The following MSH3 variants were observed in gnomAD, a reference collection of about 807,000 sequenced individuals.
MSH3 encodes DNA mismatch repair protein Msh3.
In MSH3, 106 loss-of-function variants were observed where a neutral mutation model predicts 123.3. The observed-to-expected ratio is 0.86, with a 90% CI of 0.73 to 1.01. The LOEUF is 1.01. Ranked by LOEUF, MSH3 falls within the 50% of genes least tolerant of loss-of-function variation. The pLI is 0.00. For missense variants in MSH3, 1,459 were observed against 1,347.6 expected (o/e 1.08, Z -1.29); for synonymous variants, 515 against 481.4 (o/e 1.07, Z -0.91).
rs1580066576 is a variant in MSH3 at position 80,813,718 on chromosome 5, G to A, written c.2790G>A (p.Gly930=). The A allele has an allele frequency of 2.5e-6, 4 of 1,614,058 alleles. No homozygotes were observed. The highest frequency in any genetic ancestry group is 1.3e-5 in the African/African-American group (1 of 74,912). The part of the protein sequence containing the change: ...SYVPAEEATI[G]IVDGIFTRMG... Reference sequence around the variant, plus strand: ...TTCCTGCAGAAGAAGCGACAATTGGGATTGTGGATGGCATTTTCACAAGGT... The same window carrying A: ...TTCCTGCAGAAGAAGCGACAATTGGAATTGTGGATGGCATTTTCACAAGGT... The change falls in exon 20 of 24, where the codon GGG becomes GGA. Residue 930 remains glycine (G), a synonymous_variant. Transcript: ENST00000265081.
intron 20 of MSH3, among the ~76,000 whole-genome samples, chr5:80,832,141 C>T (rs779263009): frequency 9.9e-5 from 15 of 151,058 alleles, no homozygotes; most frequent in Non-Finnish European, 1.8e-4. Context: ...ACAAAAAAAA[C>T]TCTCCCATAC....
At chr5:80,724,087 G>A (rs1292475645) in intron 8 of MSH3, among the ~76,000 whole-genome samples, 2 of 152,204 alleles carry the variant, frequency 1.3e-5, no homozygotes, top group African/African-American at 2.4e-5. Flanking sequence ...GTAGAGGGAT[G>A]TGATTAGTGA....
At chr5:80,661,834 T>A (rs1249291035) in intron 2 of MSH3, among the ~76,000 whole-genome samples, 1 of 152,222 alleles carries the variant, frequency 6.6e-6, no homozygotes, top group Non-Finnish European at 1.5e-5. Context: ...TTCCTTTGGA[T>A]CACTTTGGTC....
At chr5:80,865,072 A>C in intron 22 of MSH3, 130 bp downstream of exon 22, 1 of 995,262 alleles carries the variant, frequency 1.0e-6, no homozygotes, top group East Asian at 2.5e-5. Context: ...AACATTTGTC[A>C]GGATTCATTT....
At position 80,854,220 on chromosome 5, in the gene MSH3, A is replaced by G. The variant is rs1461434555; in HGVS notation, c.2904A>G (p.Ser968=). 1 of 1,613,902 alleles carries G rather than the reference A, an allele frequency of 6.2e-7. No individual in the cohort carries two copies. Among genetic ancestry groups the G allele is most frequent in the East Asian group, 2.2e-5 (1 of 44,850 alleles). ...DTAEIIRKAT[S]QSLVILDELG... ...CAGAAATAATCAGAAAAGCAACATC[A>G]CAGTCCTTGGTTATCTTGGATGAAC... Residue 968 remains serine, a synonymous_variant, in exon 21 of 24, where the codon TCA becomes TCG. Transcript: ENST00000265081.
intron 20 of MSH3, among the ~76,000 whole-genome samples, chr5:80,817,151 G>C (rs887698794): frequency 6.6e-6 from 1 of 152,230 alleles, no homozygotes; most frequent in African/African-American, 2.4e-5. Context: ...AACCAACAAA[G>C]GAGGTGTAGC....
chr5:80,667,242 T>C (rs1479338364), intron 3 of MSH3, among the ~76,000 whole-genome samples: 1 of 152,204 alleles, frequency 6.6e-6, no homozygotes, highest in African/African-American at 2.4e-5. Flanking sequence ...GTAAGAAATA[T>C]ATTTTCTGTG....
chr5:80,847,248 T>C (rs947520421), intron 20 of MSH3, among the ~76,000 whole-genome samples: 7 of 151,990 alleles, frequency 4.6e-5, no homozygotes, highest in African/African-American at 1.7e-4. Context: ...TTAGTAGATA[T>C]GTGGTTTTGC....
At chr5:80,665,879 C>T (rs2112809351) in intron 3 of MSH3, among the ~76,000 whole-genome samples, 1 of 152,264 alleles carries the variant, frequency 6.6e-6, no homozygotes, top group South Asian at 2.1e-4. Flanking sequence ...GAATTTAACT[C>T]ATGCTCCATC....
chr5:80,836,882 C>A (rs902730850), intron 20 of MSH3, among the ~76,000 whole-genome samples: 1 of 151,936 alleles, frequency 6.6e-6, no homozygotes, highest in African/African-American at 2.4e-5. Context: ...TGATTGTATA[C>A]CCTCTAAAAG....
intron 8 of MSH3, among the ~76,000 whole-genome samples, chr5:80,712,909 G>A (rs897224785): frequency 6.6e-6 from 1 of 151,972 alleles, no homozygotes; most frequent in Non-Finnish European, 1.5e-5. Flanking sequence ...ATTCTAATAT[G>A]GAGATATTAA....
intron 12 of MSH3, among the ~76,000 whole-genome samples, chr5:80,761,226 G>C (rs992172479): frequency 6.6e-6 from 1 of 152,196 alleles, no homozygotes; most frequent in African/African-American, 2.4e-5. Context: ...CAACAAGACA[G>C]AACGAGAATC....
chr5:80,772,112 G>A (rs948412255), intron 15 of MSH3, among the ~76,000 whole-genome samples: 3 of 152,048 alleles, frequency 2.0e-5, no homozygotes, highest in African/African-American at 7.2e-5. Flanking sequence ...TGAATGAAAT[G>A]TGGAATGGAA....
intron 13 of MSH3, among the ~76,000 whole-genome samples, chr5:80,764,996 A>G (rs1018556247): frequency 4.1e-4 from 62 of 152,142 alleles, no homozygotes; most frequent in African/African-American, 1.5e-3. Context: ...AAGCTCTCCC[A>G]GTGAGACAGC....
chr5:80,752,504 T>C (rs757997475), intron 12 of MSH3, among the ~76,000 whole-genome samples: 13 of 152,162 alleles, frequency 8.5e-5, no homozygotes, highest in Non-Finnish European at 1.9e-4. Context: ...TTTGAAAGCA[T>C]AGTTTTGGAG....
In MSH3 at chr5:80,768,977, C is replaced by A; in HGVS notation, c.2227C>A (p.Gln743Lys). 6.2e-7 allele frequency: 1 copy of A among 1,612,822 alleles called. No individual in the cohort carries two copies. The highest frequency in any genetic ancestry group is 8.5e-7 in the Non-Finnish European group (1 of 1,179,194). Residue 743 changes from glutamine (Q) to lysine (K), a missense_variant, in exon 15 of 24, where the codon CAA (glutamine) becomes AAA (lysine). Physicochemically the swap from Gln to Lys is moderately conservative, Grantham distance 53 (BLOSUM62 1). Transcript: ENST00000265081. ...AAAAATACTAAAAAATCCTTCTGCA[C>A]AATATGTGACAGTATCAGGACAGGA... is the stretch of plus-strand genomic sequence containing the variant. ...IRKILKNPSAQYVTVSGQEFM... is the reference protein window; with the variant it reads ...IRKILKNPSAKYVTVSGQEFM...
At chr5:80,832,968 A>G (rs574745760) in intron 20 of MSH3, among the ~76,000 whole-genome samples, 85 of 152,332 alleles carry the variant, frequency 5.6e-4, no homozygotes, top group African/African-American at 2.0e-3. Flanking sequence ...TTTGCCTGAG[A>G]GACATCTAGA....
At position 80,751,038 on chromosome 5, in the gene MSH3, A is replaced by G. The variant is rs187885237; in HGVS notation, c.1763+6423A>G. ...TGTTACCTATGTTTATTTAATATGC[A>G]TGGGGCTCTTACATTATCTGTACAA... is the stretch of plus-strand genomic sequence containing the variant. On this transcript the variant is annotated intron_variant, in intron 12 of 23. Coordinates refer to ENST00000265081, the MANE Select transcript of MSH3 (RefSeq NM_002439.5). 3.2e-4 allele frequency among the ~76,000 whole-genome samples: 48 copies of G among 152,244 alleles called. No homozygotes were observed. In the East Asian group the frequency reaches 8.3e-3, roughly 26 times the overall value.
rs997124603 is a variant in MSH3, at chr5:80,695,362, T to A, written c.1340+16269T>A. Among the ~76,000 whole-genome samples the A allele has an allele frequency of 4.6e-5, 7 of 151,974 alleles. No homozygotes were observed. The South Asian group carries it at 1.5e-3, about 32-fold the overall frequency. On this transcript the variant is annotated intron_variant, in intron 8 of 23. Coordinates refer to ENST00000265081, the MANE Select transcript of MSH3 (RefSeq NM_002439.5). The stretch of plus-strand genomic sequence containing the variant: ...TTTTTTCTTTTTTTTTGAGACAGAG[T>A]TTTGCTTTTGTGCCCAGGCTGGAGT...
Sources: allele counts gnomAD v4.1 joint callset (sites outside exome capture counted in the v4.1 genomes callset), GRCh38; gene constraint gnomAD v4.1.1; transcripts MANE v1.5; gene names NCBI Gene and HGNC (gene_info 2026-07-23, HGNC 2026-07-21).